The following NALF1 variants were observed in gnomAD, a reference collection of about 807,000 sequenced individuals.
NALF1 encodes the protein family with sequence similarity 155 member A.
NALF1 carries 3 observed loss-of-function variants against 48.4 expected under a neutral mutation model. The observed-to-expected ratio is 0.06, with a 90% CI of 0.03 to 0.16. The LOEUF (loss-of-function observed/expected upper bound fraction) is 0.16, where lower values mean the gene tolerates loss of function less well. Ranked by LOEUF, NALF1 falls within the 10% of genes least tolerant of loss-of-function variation. The pLI is 1.00. For missense variants in NALF1, 526 were observed against 571.5 expected, an observed-to-expected ratio of 0.92 and a Z score of 0.81; for synonymous variants, 262 against 245.7, an observed-to-expected ratio of 1.07 and a Z score of -0.62.
intron 1 of NALF1, among the ~76,000 whole-genome samples, chr13:107,607,271 C>G (rs1050968560): frequency 1.3e-5 from 2 of 151,888 alleles, no homozygotes; most frequent in African/African-American, 4.8e-5. Context: ...AATTTAAGTA[C>G]GCAGGTCTTA....
chr13:107,180,178 A>AT (rs963184506), intron 2 of NALF1, among the ~76,000 whole-genome samples: 5 of 151,740 alleles, frequency 3.3e-5, no homozygotes, highest in East Asian at 1.9e-4. Context: ...ATTTTAAATC[A>AT]TTTTTTTGTT....
chr13:107,210,887 AT>A, intron 1 of NALF1, 132 bp from the exon 2 acceptor site: 1 of 616,728 alleles, frequency 1.6e-6, no homozygotes, highest in Non-Finnish European at 2.8e-6. Flanking sequence ...GAGAAAGCGT[AT>A]TTACACAACG....
chr13:107,694,247 C>T (rs151336749), intron 1 of NALF1, among the ~76,000 whole-genome samples: 1 of 152,256 alleles, frequency 6.6e-6, no homozygotes, highest in African/African-American at 2.4e-5. Flanking sequence ...GTTTTCAAAT[C>T]AATTGGCAAG....
intron 1 of NALF1, among the ~76,000 whole-genome samples, chr13:107,658,678 G>T (rs1446043095): frequency 6.6e-6 from 1 of 151,866 alleles, no homozygotes; most frequent in Non-Finnish European, 1.5e-5. Context: ...GCTTTGTATT[G>T]CTCTAAACTC....
At chr13:107,834,223 T>C (rs549075872) in intron 1 of NALF1, among the ~76,000 whole-genome samples, 2 of 152,180 alleles carry the variant, frequency 1.3e-5, no homozygotes, top group Admixed American at 6.5e-5. Context: ...ATGTTAAATA[T>C]GGGATGTGAG....
rs1406706695 is a variant in NALF1 at position 107,471,865 on chromosome 13, C to A, written c.916-261110G>T. On this transcript the variant is annotated intron_variant, in intron 1 of 2. Coordinates refer to ENST00000375915, the MANE Select transcript of NALF1 (RefSeq NM_001080396.3). Reference sequence around the variant, plus strand: ...ACATCTCATCCCAATGTATTATTTTCTTTGAAAATGGCAGAGAAGAAAAAG... The same window carrying A: ...ACATCTCATCCCAATGTATTATTTTATTTGAAAATGGCAGAGAAGAAAAAG... Among the ~76,000 whole-genome samples, 3 of 152,128 alleles carry A rather than the reference C, an allele frequency of 2.0e-5. No individual in the cohort carries two copies. In the East Asian group the frequency reaches 5.8e-4, roughly 29 times the overall value.
intron 1 of NALF1, among the ~76,000 whole-genome samples, chr13:107,298,351 C>CAAAAAAAAAAAA (rs1192707023): frequency 1.1e-3 from 19 of 16,624 alleles, no homozygotes; most frequent in African/African-American, 2.1e-3. Context: ...GACTCCATCT[C>CAAAAAAAAAAAA]AAAAAAAAAA....
At position 107,165,917 on chromosome 13, in the gene NALF1, TG is replaced by T. The variant is rs1878647572; in HGVS notation, c.*4579del. 6.6e-6 allele frequency: 1 copy of T among 152,152 alleles called. No individual in the cohort carries two copies. The highest frequency in any genetic ancestry group is 1.5e-5 in the Non-Finnish European group (1 of 68,038). The allele number at this position is 152,152 out of a possible 1,614,324, so 9.4% of individuals were successfully genotyped here. A position where few individuals can be genotyped will look rare whatever the true frequency, so the allele number is the denominator to read the frequency against. ...TTAAATGACCATGCTGCTCTAACTTTGACAAACAAGTAGGATCATTCATCAT... is the reference window on the plus strand; with the variant it reads ...TTAAATGACCATGCTGCTCTAACTTTACAAACAAGTAGGATCATTCATCAT... On this transcript the variant is annotated 3_prime_UTR_variant, in exon 3 of 3. Transcript: ENST00000375915.
intron 1 of NALF1, among the ~76,000 whole-genome samples, chr13:107,321,376 C>T (rs547845609): frequency 6.6e-6 from 1 of 151,902 alleles, no homozygotes; most frequent in Non-Finnish European, 1.5e-5. Flanking sequence ...TAATCATTTC[C>T]CTGTAGTTTG....
At chr13:107,475,506 T>G (rs768218695) in intron 1 of NALF1, among the ~76,000 whole-genome samples, 8 of 152,144 alleles carry the variant, frequency 5.3e-5, no homozygotes, top group Non-Finnish European at 1.0e-4. Context: ...TGAACAAAAA[T>G]GTACTGGATT....
intron 1 of NALF1, among the ~76,000 whole-genome samples, chr13:107,836,632 CTGAGT>C (rs1337146069): frequency 4.6e-5 from 7 of 151,964 alleles, no homozygotes; most frequent in Non-Finnish European, 8.8e-5. Flanking sequence ...CAATAATATT[CTGAGT>C]TAAGTATTAT....
chr13:107,724,574 G>A lies in NALF1; in HGVS notation c.915+141108C>T, dbSNP rs532286164. Among the ~76,000 whole-genome samples the A allele has an allele frequency of 8.8e-4, 109 of 124,508 alleles. No individual in the cohort carries two copies. In the South Asian group the frequency reaches 9.5e-3, roughly 11 times the overall value. 81.7% of individuals were successfully genotyped at this position (124,508 alleles called of 152,430 possible). ...TCCCTCCCTTCCTTTTACTTTGCTC[G>A]TTTTTGAGACAGGGTCTCACTCTGT... On this transcript the variant is annotated intron_variant, in intron 1 of 2. Transcript: ENST00000375915.
chr13:107,836,105 C>T (rs1879880665), intron 1 of NALF1, among the ~76,000 whole-genome samples: 2 of 152,214 alleles, frequency 1.3e-5, no homozygotes, highest in Admixed American at 1.3e-4. Flanking sequence ...ATCCTCCCAC[C>T]TCAGCCTCCT....
intron 1 of NALF1, among the ~76,000 whole-genome samples, chr13:107,853,177 G>A (rs1269957757): frequency 6.6e-6 from 1 of 152,120 alleles, no homozygotes; most frequent in Non-Finnish European, 1.5e-5. Flanking sequence ...ATGTTCTCCA[G>A]TTGTAAAAGA....
chr13:107,365,345 C>T (rs1883135237), intron 1 of NALF1, among the ~76,000 whole-genome samples: 1 of 151,890 alleles, frequency 6.6e-6, no homozygotes, highest in African/African-American at 2.4e-5. Flanking sequence ...GGAGAGGAAC[C>T]TGAATTTCTC....
At chr13:107,474,780 G>A (rs983690449) in intron 1 of NALF1, among the ~76,000 whole-genome samples, 7 of 152,152 alleles carry the variant, frequency 4.6e-5, no homozygotes, top group African/African-American at 1.7e-4. Context: ...TTTGTTAACA[G>A]AAGGTAGACA....
chr13:107,175,080 G>A (rs1178513057), intron 2 of NALF1, among the ~76,000 whole-genome samples: 1,504 of 107,164 alleles, frequency 0.014, 1 homozygote, highest in African/African-American at 0.023. Context: ...TAGTAGAGAC[G>A]GGGTTTCATC....
At chr13:107,784,735 A>C (rs1878019989) in intron 1 of NALF1, among the ~76,000 whole-genome samples, 1 of 152,172 alleles carries the variant, frequency 6.6e-6, no homozygotes, top group African/African-American at 2.4e-5. Flanking sequence ...CCATAATCAA[A>C]AAATCAAAAA....
At chr13:107,731,560 G>A (rs1408637305) in intron 1 of NALF1, among the ~76,000 whole-genome samples, 4 of 151,896 alleles carry the variant, frequency 2.6e-5, no homozygotes, top group East Asian at 1.9e-4. Context: ...ATGCACCCCC[G>A]ACCCTCAAGT....
Sources: gnomAD v4.1 joint callset for allele counts (sites outside exome capture counted in the v4.1 genomes callset) on GRCh38, gnomAD v4.1.1 for gene constraint, MANE v1.5 for transcripts, NCBI Gene and HGNC (gene_info 2026-07-23, HGNC 2026-07-21) for gene names.